The following ATP2B1 variants were observed in gnomAD, a reference collection of about 807,000 sequenced individuals.
The protein encoded by ATP2B1 is plasma membrane calcium-transporting ATPase 1.
In ATP2B1, 14 loss-of-function variants were observed where a neutral mutation model predicts 124.2. The observed-to-expected ratio is 0.11, with a 90% CI of 0.07 to 0.18. The LOEUF (loss-of-function observed/expected upper bound fraction) is 0.18. ATP2B1 is among the 10% of genes least tolerant of loss of function. The pLI is 1.00. For missense variants in ATP2B1, 763 were observed against 1,466.1 expected (o/e 0.52, Z 7.83); for synonymous variants, 449 against 492.4 (o/e 0.91, Z 1.17).
chr12:89,697,925 G>T (rs1271722785), intron 1 of ATP2B1, among the ~76,000 whole-genome samples: 1 of 151,962 alleles, frequency 6.6e-6, no homozygotes, highest in Non-Finnish European at 1.5e-5. Flanking sequence ...GTCCAGGCTG[G>T]AGTGCAGTGG....
chr12:89,620,849 A>C (rs1341397488), intron 10 of ATP2B1, among the ~76,000 whole-genome samples: 2 of 152,162 alleles, frequency 1.3e-5, no homozygotes, highest in African/African-American at 2.4e-5. Context: ...AGGCAAAGCT[A>C]GATCTAGAAC....
chr12:89,637,416 A>ATTTTTTTTTT (rs112164038), intron 3 of ATP2B1, among the ~76,000 whole-genome samples: 1 of 149,540 alleles, frequency 6.7e-6, no homozygotes. Context: ...TTAAATTTTA[A>ATTTTTTTTTT]TTTTTTCTTT....
At chr12:89,638,061 C>CTACG (rs1882966816) in intron 3 of ATP2B1, among the ~76,000 whole-genome samples, 1 of 151,412 alleles carries the variant, frequency 6.6e-6, no homozygotes, top group South Asian at 2.1e-4. Context: ...AAATCCTTTC[C>CTACG]TACTGACAAT....
intron 2 of ATP2B1, among the ~76,000 whole-genome samples, chr12:89,643,477 A>G (rs1883970581): frequency 6.6e-6 from 1 of 152,162 alleles, no homozygotes; most frequent in Non-Finnish European, 1.5e-5. Context: ...CTTTCTTAGA[A>G]GTAATAGGTG....
chr12:89,657,101 T>C (rs1233478361), intron 1 of ATP2B1, among the ~76,000 whole-genome samples: 1 of 152,216 alleles, frequency 6.6e-6, no homozygotes, highest in African/African-American at 2.4e-5. Flanking sequence ...AATGGACTCA[T>C]CTCATTCACT....
chr12:89,658,217 A>G (rs1244362370), intron 1 of ATP2B1, among the ~76,000 whole-genome samples: 2 of 152,194 alleles, frequency 1.3e-5, no homozygotes, highest in African/African-American at 2.4e-5. Context: ...TCTGGTTTCC[A>G]CAAAGAGGAA....
At chr12:89,665,200 T>A (rs1469253919) in intron 1 of ATP2B1, among the ~76,000 whole-genome samples, 1 of 152,200 alleles carries the variant, frequency 6.6e-6, no homozygotes, top group Non-Finnish European at 1.5e-5. Context: ...TTGAGTTGAT[T>A]TTTTTGTGTG....
intron 1 of ATP2B1, among the ~76,000 whole-genome samples, chr12:89,693,314 C>T (rs1272360855): frequency 6.6e-6 from 1 of 152,108 alleles, no homozygotes; most frequent in African/African-American, 2.4e-5. Context: ...AGAACTCCTG[C>T]TATGATACGA....
chr12:89,694,006 G>A (rs553518558), intron 1 of ATP2B1, among the ~76,000 whole-genome samples: 3 of 152,124 alleles, frequency 2.0e-5, no homozygotes, highest in East Asian at 3.9e-4. Flanking sequence ...TCCAGATAGC[G>A]ATTAGTCCAC....
chr12:89,597,589 CA>C (rs1393857370), intron 20 of ATP2B1, among the ~76,000 whole-genome samples: 1 of 152,170 alleles, frequency 6.6e-6, no homozygotes, highest in Non-Finnish European at 1.5e-5. Flanking sequence ...ATCCTCTCTG[CA>C]GCTTCTCAAG....
chr12:89,655,847 C>T lies in ATP2B1; in HGVS notation c.40G>A (p.Val14Met). 1 of 1,613,196 alleles carries T rather than the reference C, an allele frequency of 6.2e-7. No individual in the cohort carries two copies. The highest frequency in any genetic ancestry group is 8.5e-7 in the Non-Finnish European group (1 of 1,179,314). Residue 14 changes from valine to methionine, a missense_variant, in exon 2 of 21, where the codon GTG becomes ATG. Val to Met is a conservative substitution (Grantham distance 21, BLOSUM62 1). This residue lies in a region of ATP2B1 where 93 missense variants were observed against 112.7 expected (regional missense o/e 0.83). Transcript: ENST00000428670. ...MANNSVAYSG[V>M]KNSLKEANHD... Reference sequence around the variant, plus strand: ...TTAGCTTCCTTCAAAGAGTTTTTCACACCACTGTAAGCAACTGAGTTGTTT... The same window carrying T: ...TTAGCTTCCTTCAAAGAGTTTTTCATACCACTGTAAGCAACTGAGTTGTTT...
chr12:89,601,191 A>T (rs964822911), intron 19 of ATP2B1, 135 bp downstream of exon 19: 51 of 618,490 alleles, frequency 8.2e-5, no homozygotes, highest in Non-Finnish European at 1.4e-4. Context: ...AAAAAAACTT[A>T]TCTTTGAATG....
chr12:89,701,777 C>T (rs982877215), intron 1 of ATP2B1, among the ~76,000 whole-genome samples: 6 of 152,092 alleles, frequency 3.9e-5, no homozygotes, highest in Admixed American at 3.9e-4. Context: ...GAACTCCTGG[C>T]CTCAAGCGAA....
At chr12:89,654,051 GA>G (rs1213585237) in intron 2 of ATP2B1, among the ~76,000 whole-genome samples, 1 of 152,142 alleles carries the variant, frequency 6.6e-6, no homozygotes, top group Non-Finnish European at 1.5e-5. Context: ...AAAACAATGA[GA>G]TTTTTTAATG....
At chr12:89,593,323 A>G (rs1873946559) in intron 20 of ATP2B1, 1 of 152,062 alleles carries the variant, frequency 6.6e-6, no homozygotes, top group South Asian at 2.1e-4. Context: ...AGCAGCCCGT[A>G]GGCACGGAGG....
chr12:89,658,685 T>C (rs1429037500), intron 1 of ATP2B1, among the ~76,000 whole-genome samples: 2 of 143,508 alleles, frequency 1.4e-5, no homozygotes, highest in Non-Finnish European at 3.0e-5. Flanking sequence ...TGGACATCAA[T>C]TGAGCCCCTG....
chr12:89,593,675 C>G (rs1183206230), intron 20 of ATP2B1: 2 of 152,006 alleles, frequency 1.3e-5, no homozygotes, highest in Admixed American at 1.3e-4. Flanking sequence ...GTGAGGGCAA[C>G]AAGTATATGT....
chr12:89,604,215 G>A lies in ATP2B1; in HGVS notation c.2574C>T (p.Phe858=). Residue 858 remains phenylalanine (F), a synonymous_variant, in exon 16 of 21, where the codon TTC becomes TTT. Transcript: ENST00000428670. The stretch of plus-strand genomic sequence containing the variant: ...CTGCTACTACATTAACAGTAAGTTG[G>A]AACTGAAGGAATTTTGAGATGCTGT... ...VYDSISKFLQ[F]QLTVNVVAVI... 1 of 1,614,012 alleles carries A rather than the reference G, an allele frequency of 6.2e-7. No individual in the cohort carries two copies. Among genetic ancestry groups the A allele is most frequent in the Non-Finnish European group, 8.5e-7 (1 of 1,179,990 alleles).
chr12:89,683,765 G>A (rs192415854), intron 1 of ATP2B1, among the ~76,000 whole-genome samples: 2 of 152,218 alleles, frequency 1.3e-5, no homozygotes, highest in East Asian at 3.9e-4. Context: ...ATGCAGTAAC[G>A]GATTGCTAGA....
Sources: allele counts gnomAD v4.1 joint callset (sites outside exome capture counted in the v4.1 genomes callset), GRCh38; gene constraint gnomAD v4.1.1; regional missense constraint gnomAD v4.1.1; transcripts MANE v1.5; gene names NCBI Gene and HGNC (gene_info 2026-07-23, HGNC 2026-07-21).